The following CNTNAP2 variants were observed in gnomAD, a reference collection of about 807,000 sequenced individuals.
The protein encoded by CNTNAP2 is contactin-associated protein-like 2.
In CNTNAP2, 98 loss-of-function variants were observed where a neutral mutation model predicts 155.2. The ratio of observed to expected loss-of-function variants is 0.63; its 90% CI spans 0.54 to 0.75. CNTNAP2 has a LOEUF of 0.75. Among genes scored for constraint, CNTNAP2 ranks in the 30% least tolerant of loss-of-function variants. The probability of loss-of-function intolerance (pLI) is 0.00; values close to 1 mark genes in which losing one functional copy is unlikely to be tolerated. For missense variants in CNTNAP2, 1,727 were observed against 1,688.1 expected (o/e 1.02, Z -0.40); for synonymous variants, 651 against 631.2 (o/e 1.03, Z -0.47).
Position 147,874,406 on chromosome 7 carries a change from A to C in CNTNAP2, c.2099-29159A>C, listed in dbSNP as rs542006577. ...TTGACTTCTGTGTTCCTGCAGACTC[A>C]AAACCATGTGGAAGCTGCCAAAGCT... is the stretch of plus-strand genomic sequence containing the variant. On this transcript the variant is annotated intron_variant, in intron 13 of 23. Coordinates refer to ENST00000361727, the MANE Select transcript of CNTNAP2 (RefSeq NM_014141.6). Among the ~76,000 whole-genome samples the C allele has an allele frequency of 4.2e-3, 633 of 152,326 alleles. 3 individuals are homozygous for C. The highest frequency in any genetic ancestry group is 0.015 in the African/African-American group (618 of 41,576).
chr7:147,630,426 C>T (rs1165327728), intron 12 of CNTNAP2, among the ~76,000 whole-genome samples: 1 of 149,348 alleles, frequency 6.7e-6, no homozygotes, highest in East Asian at 2.0e-4. Context: ...CTTACTGAAA[C>T]TATTCCAAAA....
chr7:146,347,843 G>A lies in CNTNAP2; in HGVS notation c.97+230870G>A, dbSNP rs571243182. Reference sequence around the variant, plus strand: ...GTCCTCCCATAGTGTTGGGATTACAGGTGTGAGCCACGCATTTTCTTCTCT... The same window carrying A: ...GTCCTCCCATAGTGTTGGGATTACAAGTGTGAGCCACGCATTTTCTTCTCT... On this transcript the variant is annotated intron_variant, in intron 1 of 23. Transcript: ENST00000361727. 3.8e-4 allele frequency among the ~76,000 whole-genome samples: 58 copies of A among 152,290 alleles called. No individual in the cohort carries two copies. In the South Asian group the frequency reaches 0.011, roughly 30 times the overall value.
intron 21 of CNTNAP2, among the ~76,000 whole-genome samples, chr7:148,280,354 A>G (rs1306511289): frequency 1.3e-5 from 2 of 152,200 alleles, no homozygotes; most frequent in Non-Finnish European, 2.9e-5. Context: ...AGTGGGAATT[A>G]TTCATTATCC....
At chr7:147,518,756 C>T (rs1341070090) in intron 11 of CNTNAP2, among the ~76,000 whole-genome samples, 3 of 152,056 alleles carry the variant, frequency 2.0e-5, no homozygotes, top group Non-Finnish European at 2.9e-5. Context: ...TATGGCTGGG[C>T]GTGGTGGCTC....
chr7:147,470,662 C>T (rs926328517), intron 10 of CNTNAP2, among the ~76,000 whole-genome samples: 6 of 152,012 alleles, frequency 3.9e-5, no homozygotes, highest in Non-Finnish European at 5.9e-5. Flanking sequence ...ATCATTTCTG[C>T]CTGAAAAGCC....
chr7:147,654,698 T>C (rs1795498241), intron 13 of CNTNAP2, among the ~76,000 whole-genome samples: 2 of 152,204 alleles, frequency 1.3e-5, no homozygotes, highest in Admixed American at 1.3e-4. Flanking sequence ...TGAATGTTTT[T>C]AATGGCTTCT....
chr7:147,272,857 C>T (rs752518563), intron 8 of CNTNAP2, among the ~76,000 whole-genome samples: 2 of 152,092 alleles, frequency 1.3e-5, no homozygotes, highest in Non-Finnish European at 2.9e-5. Flanking sequence ...TTTAAATCTA[C>T]TTATCATCTG....
At chr7:148,040,424 G>A (rs1211931063) in intron 15 of CNTNAP2, among the ~76,000 whole-genome samples, 12 of 152,100 alleles carry the variant, frequency 7.9e-5, no homozygotes, top group Non-Finnish European at 1.5e-5. Context: ...CCTCAGACAC[G>A]TTGACTTAAT....
chr7:147,213,251 CTCTCTTCG>C (rs1803196239), intron 8 of CNTNAP2, among the ~76,000 whole-genome samples: 1 of 152,126 alleles, frequency 6.6e-6, no homozygotes, highest in Non-Finnish European at 1.5e-5. Context: ...CAAATTCACC[CTCTCTTCG>C]TCTCTTTGTT....
At chr7:148,318,213 A>T (rs1279443368) in intron 21 of CNTNAP2, among the ~76,000 whole-genome samples, 1 of 152,170 alleles carries the variant, frequency 6.6e-6, no homozygotes, top group Non-Finnish European at 1.5e-5. Context: ...ACTGTGAAAG[A>T]TACCTGAGCT....
At chr7:147,128,466 A>G (rs1229660328) in intron 6 of CNTNAP2, among the ~76,000 whole-genome samples, 1 of 152,206 alleles carries the variant, frequency 6.6e-6, no homozygotes, top group Admixed American at 6.6e-5. Flanking sequence ...GCAAAGGATC[A>G]TTGCTTTTTT....
At chr7:146,161,659 C>A (rs1029882795) in intron 1 of CNTNAP2, among the ~76,000 whole-genome samples, 2 of 152,158 alleles carry the variant, frequency 1.3e-5, no homozygotes, top group African/African-American at 4.8e-5. Context: ...TTGGAAAAAA[C>A]TACTTTAAAG....
At chr7:146,963,188 A>C (rs1797588238) in intron 3 of CNTNAP2, 3 of 152,234 alleles carry the variant, frequency 2.0e-5, no homozygotes, top group African/African-American at 7.2e-5. Flanking sequence ...AATTCAAATG[A>C]AATAAAAATG....
At chr7:146,290,625 G>A (rs1236554323) in intron 1 of CNTNAP2, among the ~76,000 whole-genome samples, 1 of 151,998 alleles carries the variant, frequency 6.6e-6, no homozygotes, top group Non-Finnish European at 1.5e-5. Context: ...TATTTGTATC[G>A]CCATCTTTGA....
chr7:146,551,305 C>T (rs1798117993), intron 1 of CNTNAP2, among the ~76,000 whole-genome samples: 1 of 151,998 alleles, frequency 6.6e-6, no homozygotes, highest in African/African-American at 2.4e-5. Context: ...CACCCCACAA[C>T]AGGCCCCAGT....
chr7:146,202,774 T>C (rs1205333917), intron 1 of CNTNAP2, among the ~76,000 whole-genome samples: 1 of 152,096 alleles, frequency 6.6e-6, no homozygotes, highest in African/African-American at 2.4e-5. Flanking sequence ...TGCATAAAAA[T>C]AATGAGTTCA....
chr7:148,097,507 C>T (rs918956164), intron 15 of CNTNAP2, among the ~76,000 whole-genome samples: 3 of 152,058 alleles, frequency 2.0e-5, no homozygotes, highest in Admixed American at 1.3e-4. Context: ...GGGCGGGGCA[C>T]GGAGTCTTGC....
chr7:146,363,959 G>A (rs894445976), intron 1 of CNTNAP2, among the ~76,000 whole-genome samples: 7 of 152,030 alleles, frequency 4.6e-5, no homozygotes, highest in East Asian at 1.9e-4. Flanking sequence ...ATAAATGGAA[G>A]GTTCAGCCTT....
At chr7:148,006,237 A>G (rs1391572219) in intron 15 of CNTNAP2, among the ~76,000 whole-genome samples, 2 of 152,136 alleles carry the variant, frequency 1.3e-5, no homozygotes, top group Non-Finnish European at 2.9e-5. Context: ...CGAAATAGAG[A>G]ATATGAAAGA....
Sources: gnomAD v4.1 joint callset for allele counts (sites outside exome capture counted in the v4.1 genomes callset) on GRCh38, gnomAD v4.1.1 for gene constraint, MANE v1.5 for transcripts, NCBI Gene and HGNC (gene_info 2026-07-23, HGNC 2026-07-21) for gene names.